ABHD2: variants seen among roughly 807,000 people sequenced by gnomAD.
ABHD2 encodes the protein monoacylglycerol lipase ABHD2.
ABHD2 carries 20 observed loss-of-function variants against 48.1 expected under a neutral mutation model. The ratio of observed to expected loss-of-function variants is 0.42; its 90% confidence interval spans 0.29 to 0.60. The LOEUF (loss-of-function observed/expected upper bound fraction) is 0.60. Among genes scored for constraint, ABHD2 ranks in the 20% least tolerant of loss-of-function variants. The probability of loss-of-function intolerance (pLI) is 0.24; values close to 1 mark genes in which losing one functional copy is unlikely to be tolerated. For missense variants in ABHD2, 405 were observed against 550.9 expected (o/e 0.74, Z 2.65); for synonymous variants, 209 against 214.2 (o/e 0.98, Z 0.21).
Position 89,189,391 on chromosome 15 carries a change from G to A in ABHD2, c.926+1088G>A, listed in dbSNP as rs1044115982. Among the ~76,000 whole-genome samples the A allele has an allele frequency of 1.3e-5, 2 of 152,096 alleles. No homozygotes were observed. Among genetic ancestry groups the A allele is most frequent in the African/African-American group, 2.4e-5 (1 of 41,412 alleles). ...ACCTGTAGTCCCAGCTGCTTAGGAGGCTGAGACAGGAGGATCACTTGAGCT... is the reference window on the plus strand; with the variant it reads ...ACCTGTAGTCCCAGCTGCTTAGGAGACTGAGACAGGAGGATCACTTGAGCT... On this transcript the variant is annotated intron_variant, in intron 8 of 10. Coordinates refer to ENST00000352732, the MANE Select transcript of ABHD2 (RefSeq NM_152924.5). This position sits in a 1 kb window ranked among gnomAD's most constrained non-coding sequence, Gnocchi z 4.9.
At chr15:89,117,825 G>T (rs2150817833) in intron 3 of ABHD2, among the ~76,000 whole-genome samples, 1 of 152,272 alleles carries the variant, frequency 6.6e-6, no homozygotes, top group Non-Finnish European at 1.5e-5. Context: ...CCTGCTTTGT[G>T]TAGTTGTCTA....
rs1299609996 is a variant in ABHD2 at position 89,155,991 on chromosome 15, G to C, written c.538+457G>C. ...ACTCACTGGATTTTAGGTTCCTGGG[G>C]AACAGGAACTAGATCTCGTCTTTCG... On this transcript the variant is annotated intron_variant, in intron 5 of 10. Transcript: ENST00000352732. The surrounding 1 kb of genome is among the most constrained non-coding windows in gnomAD (Gnocchi z 4.9). Among the ~76,000 whole-genome samples the C allele has an allele frequency of 1.3e-5, 2 of 152,176 alleles. No individual in the cohort carries two copies. The highest frequency in any genetic ancestry group is 4.8e-5 in the African/African-American group (2 of 41,440).
the ABHD2 span, among the ~76,000 whole-genome samples, chr15:89,079,703 T>G: frequency 4.7e-4 from 71 of 152,304 alleles, no homozygotes; most frequent in African/African-American, 1.6e-3. This position sits in a 1 kb window ranked among gnomAD's most constrained non-coding sequence, Gnocchi z 4.3. Context: ...TTAATAAACT[T>G]TTATTCAAGA....
chr15:89,140,012 C>G (rs1443432489), intron 3 of ABHD2, among the ~76,000 whole-genome samples: 1 of 152,156 alleles, frequency 6.6e-6, no homozygotes, highest in African/African-American at 2.4e-5. Context: ...GGGAGGGCTT[C>G]CCAGGATGAT....
intron 3 of ABHD2, among the ~76,000 whole-genome samples, chr15:89,149,214 A>AACACACACAC (rs35689320): frequency 6.3e-4 from 93 of 148,332 alleles, no homozygotes; most frequent in African/African-American, 1.9e-3. Flanking sequence ...ATTGATCCCT[A>AACACACACAC]ACACACACAC....
At chr15:89,068,754 C>CTTTTTTTTTTTTTTTTTTTT in the ABHD2 span, among the ~76,000 whole-genome samples, 1 of 71,354 alleles carries the variant, frequency 1.4e-5, no homozygotes, top group Non-Finnish European at 2.4e-5. Context: ...CAAGCTTCCT[C>CTTTTTTTTTTTTTTTTTTTT]TTTTTTTTTT....
chr15:89,180,954 G>A (rs951808578), intron 6 of ABHD2, among the ~76,000 whole-genome samples: 1 of 152,154 alleles, frequency 6.6e-6, no homozygotes, highest in African/African-American at 2.4e-5. Flanking sequence ...AGGGCCGGGT[G>A]CGGTGGCTCA....
chr15:89,116,401 T>C lies in ABHD2; in HGVS notation c.74T>C (p.Val25Ala). The change falls in exon 3 of 11, where the codon GTG becomes GCG. Residue 25 changes from valine (V) to alanine (A), a missense_variant. Physicochemically the swap from Val to Ala is moderately conservative, Grantham distance 64. Transcript: ENST00000352732. This position sits in a 1 kb window ranked among gnomAD's most constrained non-coding sequence, Gnocchi z 4.6. ...DGVKLAAVAA[V>A]LYVIVRCLNL... Reference sequence around the variant, plus strand: ...GTGAAGCTGGCTGCAGTGGCTGCTGTGCTGTACGTGATCGTCCGGTGTTTG... The same window carrying C: ...GTGAAGCTGGCTGCAGTGGCTGCTGCGCTGTACGTGATCGTCCGGTGTTTG... The C allele has an allele frequency of 6.2e-7, 1 of 1,614,224 alleles. No homozygotes were observed. The highest frequency in any genetic ancestry group is 2.2e-5 in the East Asian group (1 of 44,890).
chr15:89,134,360 A>G (rs1197781271), intron 3 of ABHD2, among the ~76,000 whole-genome samples: 1 of 152,116 alleles, frequency 6.6e-6, no homozygotes, highest in Admixed American at 6.5e-5. Flanking sequence ...ATTTTTTTCA[A>G]GACGGCTACA....
At chr15:89,089,096 G>C (rs1476888049) in intron 1 of ABHD2, among the ~76,000 whole-genome samples, 1 of 152,260 alleles carries the variant, frequency 6.6e-6, no homozygotes, top group African/African-American at 2.4e-5. Context: ...CCCGCGACCG[G>C]CACTGTTCTA....
In ABHD2 at chr15:89,195,102, G is replaced by A. The variant is rs200503268; in HGVS notation, c.1082-125G>A. The A allele has an allele frequency of 2.4e-5, 25 of 1,030,994 alleles. No homozygotes were observed. The East Asian group carries it at 5.8e-4, about 24-fold the overall frequency. 63.9% of individuals were successfully genotyped at this position (1,030,994 alleles called of 1,614,324 possible). ...TGGTGAACAAGGCAGAGTGAGTAGA[G>A]GTTGGATGCCCACTTAGGTGACCCT... On this transcript the variant is annotated intron_variant, in intron 10 of 10. Transcript: ENST00000352732. The surrounding 1 kb of genome is among the most constrained non-coding windows in gnomAD (Gnocchi z 5.1).
chr15:89,161,287 C>T (rs551963267), intron 5 of ABHD2, among the ~76,000 whole-genome samples: 52 of 152,192 alleles, frequency 3.4e-4, no homozygotes, highest in Middle Eastern at 3.4e-3. Context: ...TAGAATAAAC[C>T]CCAGTGTACC....
upstream of ABHD2, among the ~76,000 whole-genome samples, chr15:89,085,419 T>C (rs143009152): frequency 1.4e-4 from 21 of 152,052 alleles, no homozygotes; most frequent in African/African-American, 4.8e-4. This position sits in a 1 kb window ranked among gnomAD's most constrained non-coding sequence, Gnocchi z 4.2. Flanking sequence ...TGAAATAATA[T>C]GATTAAACAG....
At chr15:89,058,036 A>C in the ABHD2 span, among the ~76,000 whole-genome samples, 1 of 152,226 alleles carries the variant, frequency 6.6e-6, no homozygotes, top group South Asian at 2.1e-4. Context: ...GGAAGCTCAC[A>C]TACTCTATGT....
chr15:89,152,130 C>T (rs992522923), intron 4 of ABHD2, among the ~76,000 whole-genome samples: 7 of 150,836 alleles, frequency 4.6e-5, no homozygotes, highest in Admixed American at 3.3e-4. Context: ...GGCTGGAGTG[C>T]GGTGGCACGA....
At chr15:89,149,277 T>C (rs1178495624) in intron 3 of ABHD2, among the ~76,000 whole-genome samples, 1 of 151,934 alleles carries the variant, frequency 6.6e-6, no homozygotes, top group East Asian at 1.9e-4. Context: ...ACTCTGAGAA[T>C]GGGGTGTTAG....
At chr15:89,190,234 G>A (rs2051281036) in intron 8 of ABHD2, among the ~76,000 whole-genome samples, 1 of 152,234 alleles carries the variant, frequency 6.6e-6, no homozygotes, top group South Asian at 2.1e-4. Context: ...GAGGTTTTGA[G>A]ATCTTCTGGC....
the ABHD2 span, among the ~76,000 whole-genome samples, chr15:89,066,401 C>T: frequency 6.6e-6 from 1 of 152,300 alleles, no homozygotes; most frequent in South Asian, 2.1e-4. Context: ...TTCAAATCTC[C>T]TCCTCCTTTC....
chr15:89,134,764 G>C (rs1217295716), intron 3 of ABHD2, among the ~76,000 whole-genome samples: 1 of 152,106 alleles, frequency 6.6e-6, no homozygotes, highest in Non-Finnish European at 1.5e-5. Flanking sequence ...ATTTATTCAA[G>C]TCTTTGAGCC....
Sources: allele counts gnomAD v4.1 joint callset (sites outside exome capture counted in the v4.1 genomes callset), GRCh38; gene constraint gnomAD v4.1.1; non-coding constraint Gnocchi (gnomAD v3.1); transcripts MANE v1.5; gene names NCBI Gene and HGNC (gene_info 2026-07-23, HGNC 2026-07-21).